DYNC1I1: variants seen among roughly 807,000 people sequenced by gnomAD.
DYNC1I1 encodes cytoplasmic dynein 1 intermediate chain 1.
Under a neutral mutation model 86.6 loss-of-function variants are expected in DYNC1I1, and 43 were observed. The observed-to-expected ratio is 0.50, with a 90% confidence interval of 0.39 to 0.64. DYNC1I1 has a LOEUF of 0.64. Among genes scored for constraint, DYNC1I1 ranks in the 30% least tolerant of loss-of-function variants. The pLI is 0.00. For synonymous variants in DYNC1I1, 262 were observed against 283.7 expected (o/e 0.92, Z 0.77); for missense variants, 604 against 788.8 (o/e 0.77, Z 2.81).
chr7:95,870,085 A>G (rs1790123146), intron 6 of DYNC1I1, 87 bp downstream of exon 6: 4 of 1,147,822 alleles, frequency 3.5e-6, no homozygotes, highest in East Asian at 2.6e-5. Context: ...TCCTCTTACC[A>G]TAAGAGCTCT....
rs374912382 is a variant in DYNC1I1, at chr7:95,923,967, T to G, written c.491-53545T>G. ...GAAGAATTTTGTATGTTCTTCATAT[T>G]GGGCACCTCTTTATAGCCGTATTAT... On this transcript the variant is annotated intron_variant, in intron 6 of 16. Transcript: ENST00000447467. 6.6e-5 allele frequency among the ~76,000 whole-genome samples: 10 copies of G among 152,254 alleles called. No individual in the cohort carries two copies. In the South Asian group the frequency reaches 1.0e-3, roughly 16 times the overall value.
chr7:96,086,547 T>C (rs1415843078), intron 16 of DYNC1I1, among the ~76,000 whole-genome samples: 1 of 152,224 alleles, frequency 6.6e-6, no homozygotes, highest in Non-Finnish European at 1.5e-5. Context: ...AAAATATGCA[T>C]AAATCTTTAA....
chr7:95,971,870 T>C (rs76607119), intron 6 of DYNC1I1, among the ~76,000 whole-genome samples: 13,044 of 152,042 alleles, frequency 0.086, 1,732 homozygotes, highest in African/African-American at 0.29. Flanking sequence ...TGGAGTGAAA[T>C]GGTCCTGTCC....
chr7:95,994,728 A>G (rs1360314997), intron 9 of DYNC1I1, among the ~76,000 whole-genome samples: 2 of 152,196 alleles, frequency 1.3e-5, no homozygotes, highest in Non-Finnish European at 2.9e-5. Context: ...AAGTATTTTA[A>G]GCTGAGGAAT....
At chr7:95,834,480 C>T (rs1789016599) in intron 5 of DYNC1I1, among the ~76,000 whole-genome samples, 1 of 105,560 alleles carries the variant, frequency 9.5e-6, no homozygotes, top group African/African-American at 4.3e-5. Flanking sequence ...ATGATGCTGG[C>T]CTCATAAAAT....
At chr7:96,083,880 G>A (rs576454898) in intron 16 of DYNC1I1, among the ~76,000 whole-genome samples, 46 of 152,276 alleles carry the variant, frequency 3.0e-4, no homozygotes, top group African/African-American at 1.1e-3. Context: ...GAACCCTCTA[G>A]AAAGAAGACA....
intron 10 of DYNC1I1, among the ~76,000 whole-genome samples, chr7:96,014,388 G>A (rs191742030): frequency 3.3e-5 from 5 of 152,164 alleles, no homozygotes; most frequent in African/African-American, 7.2e-5. Context: ...CTGCTTTTTC[G>A]GAATCTGAAA....
At chr7:95,778,439 AGT>A (rs1720064557) in intron 1 of DYNC1I1, among the ~76,000 whole-genome samples, 1 of 152,184 alleles carries the variant, frequency 6.6e-6, no homozygotes, top group South Asian at 2.1e-4. Flanking sequence ...GTTATGGGTC[AGT>A]GTGGCACAGC....
intron 1 of DYNC1I1, among the ~76,000 whole-genome samples, chr7:95,775,964 G>C (rs920853577): frequency 1.3e-5 from 2 of 152,140 alleles, no homozygotes; most frequent in African/African-American, 4.8e-5. Flanking sequence ...TATTCCTCTT[G>C]ACTGGGCACA....
intron 10 of DYNC1I1, among the ~76,000 whole-genome samples, chr7:96,019,721 G>A (rs746688188): frequency 2.6e-5 from 4 of 152,110 alleles, no homozygotes; most frequent in Non-Finnish European, 4.4e-5. Context: ...GTTAAACCAC[G>A]TAAGAAATGA....
At chr7:95,799,592 CT>C (rs974884991) in intron 1 of DYNC1I1, among the ~76,000 whole-genome samples, 4 of 149,084 alleles carry the variant, frequency 2.7e-5, no homozygotes, top group East Asian at 2.0e-4. Flanking sequence ...GAGAAGTTTT[CT>C]TTTTTTTTAC....
intron 2 of DYNC1I1, among the ~76,000 whole-genome samples, 190 bp from the exon 3 acceptor site, chr7:95,810,202 A>G (rs1278783215): frequency 6.6e-6 from 1 of 152,184 alleles, no homozygotes; most frequent in Non-Finnish European, 1.5e-5. Flanking sequence ...CAGCCAAAAG[A>G]GAAAGTACTG....
At chr7:95,980,536 CTTTTTTT>C (rs56835338) in intron 7 of DYNC1I1, among the ~76,000 whole-genome samples, 21 of 54,440 alleles carry the variant, frequency 3.9e-4, no homozygotes, top group South Asian at 7.6e-4. Flanking sequence ...AGAAATCTGG[CTTTTTTT>C]TTTTTTTTTT....
chr7:95,803,422 G>C (rs868432697), intron 1 of DYNC1I1, among the ~76,000 whole-genome samples: 6 of 152,236 alleles, frequency 3.9e-5, no homozygotes, highest in African/African-American at 1.4e-4. Context: ...GTGTGATCAT[G>C]AGTGGCACAG....
intron 6 of DYNC1I1, among the ~76,000 whole-genome samples, chr7:95,926,806 T>C (rs1345034388): frequency 1.3e-5 from 2 of 152,170 alleles, no homozygotes; most frequent in African/African-American, 2.4e-5. Context: ...CTTGTTCTTT[T>C]ATAATCATAA....
At chr7:95,834,780 T>G (rs1789027743) in intron 5 of DYNC1I1, among the ~76,000 whole-genome samples, 2 of 128,440 alleles carry the variant, frequency 1.6e-5, no homozygotes, top group South Asian at 3.0e-4. Flanking sequence ...TAGTATTCTC[T>G]GATGGTAGTT....
intron 1 of DYNC1I1, among the ~76,000 whole-genome samples, chr7:95,784,156 C>A (rs1794067520): frequency 6.6e-6 from 1 of 151,986 alleles, no homozygotes; most frequent in Non-Finnish European, 1.5e-5. Context: ...CAGTATTTTC[C>A]CTGGTCTAGA....
intron 11 of DYNC1I1, among the ~76,000 whole-genome samples, chr7:96,028,630 C>A (rs933356356): frequency 6.6e-6 from 1 of 152,154 alleles, no homozygotes; most frequent in Non-Finnish European, 1.5e-5. Flanking sequence ...AAACCCTATG[C>A]ATTTACATTA....
At chr7:96,090,770 T>C (rs1790815984) in intron 16 of DYNC1I1, among the ~76,000 whole-genome samples, 1 of 152,240 alleles carries the variant, frequency 6.6e-6, no homozygotes. Context: ...CAGAGACTAA[T>C]GTAACTCCTA....
Sources: gnomAD v4.1 joint callset for allele counts (sites outside exome capture counted in the v4.1 genomes callset) on GRCh38, gnomAD v4.1.1 for gene constraint, MANE v1.5 for transcripts, NCBI Gene and HGNC (gene_info 2026-07-23, HGNC 2026-07-21) for gene names.